NCKAP5: variants seen among roughly 807,000 people sequenced by gnomAD.
NCKAP5 encodes NCK associated protein 5, also known as nck-associated protein 5.
In NCKAP5, 92 loss-of-function variants were observed where a neutral mutation model predicts 167.0. The ratio of observed to expected loss-of-function variants is 0.55; its 90% confidence interval spans 0.47 to 0.66. The LOEUF (loss-of-function observed/expected upper bound fraction) is 0.66, where lower values mean the gene tolerates loss of function less well. Ranked by LOEUF, NCKAP5 falls within the 30% of genes least tolerant of loss-of-function variation. NCKAP5 has a pLI of 0.00. For synonymous variants in NCKAP5, 891 were observed against 877.4 expected (o/e 1.02, Z -0.27); for missense variants, 2,378 against 2,315.0 (o/e 1.03, Z -0.56).
At chr2:132,940,086 T>C (rs1395407715) in intron 8 of NCKAP5, among the ~76,000 whole-genome samples, 1 of 152,190 alleles carries the variant, frequency 6.6e-6, no homozygotes, top group African/African-American at 2.4e-5. Context: ...ATATCATTCT[T>C]ATGCCTTTGC....
chr2:133,482,249 G>A (rs1181855967), intron 3 of NCKAP5, among the ~76,000 whole-genome samples: 1 of 148,400 alleles, frequency 6.7e-6, no homozygotes, highest in Non-Finnish European at 1.5e-5. Context: ...TTTGAGTCAT[G>A]CACTGACACT....
At chr2:132,740,392 A>G (rs544700409) in intron 16 of NCKAP5, among the ~76,000 whole-genome samples, 1 of 152,166 alleles carries the variant, frequency 6.6e-6, no homozygotes, top group Non-Finnish European at 1.5e-5. Flanking sequence ...TAAACTACAG[A>G]TGGGAAAACA....
At chr2:133,385,953 C>A (rs1358884520) in intron 3 of NCKAP5, among the ~76,000 whole-genome samples, 1 of 151,718 alleles carries the variant, frequency 6.6e-6, no homozygotes, top group African/African-American at 2.4e-5. Context: ...CTTTATTAGT[C>A]TTGTTAGCGG....
intron 6 of NCKAP5, among the ~76,000 whole-genome samples, chr2:133,038,760 A>G (rs1421102874): frequency 1.3e-5 from 2 of 152,136 alleles, no homozygotes; most frequent in Admixed American, 6.5e-5. Context: ...TATACCTACT[A>G]TGTACCCAGA....
chr2:133,346,611 C>T lies in NCKAP5; in HGVS notation c.70-43501G>A, dbSNP rs903825329. Among the ~76,000 whole-genome samples the T allele has an allele frequency of 4.6e-5, 7 of 152,326 alleles. No individual in the cohort carries two copies. In the South Asian group the frequency reaches 8.3e-4, roughly 18 times the overall value. The stretch of plus-strand genomic sequence containing the variant: ...AGCCATATGGCAGCTTCCAGGGCTG[C>T]GGGCCCCTCACAGAGCATGTGTTCG... On this transcript the variant is annotated intron_variant, in intron 3 of 19. Coordinates refer to ENST00000409261, the MANE Select transcript of NCKAP5 (RefSeq NM_207363.3).
At chr2:133,554,611 A>G (rs1687607775) in intron 2 of NCKAP5, among the ~76,000 whole-genome samples, 1 of 152,194 alleles carries the variant, frequency 6.6e-6, no homozygotes, top group African/African-American at 2.4e-5. Context: ...GAAATACAGC[A>G]TCAAAATAAA....
chr2:132,877,676 G>A (rs1463898871), intron 9 of NCKAP5, among the ~76,000 whole-genome samples: 2 of 152,178 alleles, frequency 1.3e-5, no homozygotes, highest in Non-Finnish European at 2.9e-5. Context: ...CCAGTTTGAA[G>A]GGAACAAGAG....
intron 8 of NCKAP5, among the ~76,000 whole-genome samples, chr2:132,888,378 G>T (rs956342713): frequency 6.6e-5 from 10 of 152,000 alleles, no homozygotes; most frequent in African/African-American, 2.4e-4. Context: ...TTATTATTAG[G>T]ATGTCTATAT....
chr2:132,956,927 C>G (rs1352184134), intron 8 of NCKAP5, among the ~76,000 whole-genome samples: 1 of 152,178 alleles, frequency 6.6e-6, no homozygotes, highest in Admixed American at 6.5e-5. Context: ...ATGCTGGCTC[C>G]TCTTCCTCTG....
At chr2:133,542,282 T>G (rs1686289418) in intron 2 of NCKAP5, among the ~76,000 whole-genome samples, 1 of 152,208 alleles carries the variant, frequency 6.6e-6, no homozygotes, top group African/African-American at 2.4e-5. Flanking sequence ...TATAATTTAA[T>G]GTCATTAAGT....
At position 132,687,968 on chromosome 2, in the gene NCKAP5, T is replaced by C. The variant is rs193039646; in HGVS notation, c.5714-14663A>G. 1.6e-3 allele frequency among the ~76,000 whole-genome samples: 248 copies of C among 152,332 alleles called. 1 individual carries two copies. The highest frequency in any genetic ancestry group is 3.4e-3 in the Middle Eastern group (1 of 294). On this transcript the variant is annotated intron_variant, in intron 19 of 19. Coordinates refer to ENST00000409261, the MANE Select transcript of NCKAP5 (RefSeq NM_207363.3). ...TCTGAATGTGATTAGCGATTAGCGCTGGTGGCTTCAGTCACTTGGGAATGG... is the reference window on the plus strand; with the variant it reads ...TCTGAATGTGATTAGCGATTAGCGCCGGTGGCTTCAGTCACTTGGGAATGG...
intron 6 of NCKAP5, among the ~76,000 whole-genome samples, chr2:133,091,255 C>T (rs775583356): frequency 9.2e-5 from 14 of 152,146 alleles, no homozygotes; most frequent in African/African-American, 1.7e-4. Context: ...CAAGAACGAA[C>T]GAATACATTC....
chr2:132,811,790 C>T (rs928532225), intron 11 of NCKAP5, among the ~76,000 whole-genome samples: 2 of 152,162 alleles, frequency 1.3e-5, no homozygotes, highest in South Asian at 2.1e-4. Context: ...GGCTAGGAAG[C>T]GTCTGGCCCT....
At chr2:133,071,013 T>G (rs1204399024) in intron 6 of NCKAP5, among the ~76,000 whole-genome samples, 1 of 151,936 alleles carries the variant, frequency 6.6e-6, no homozygotes, top group East Asian at 1.9e-4. Flanking sequence ...TCTAGAAGAG[T>G]CAATCATATA....
intron 4 of NCKAP5, among the ~76,000 whole-genome samples, chr2:133,252,793 A>G (rs2088416397): frequency 6.6e-6 from 1 of 152,236 alleles, no homozygotes; most frequent in African/African-American, 2.4e-5. Flanking sequence ...CTAAAGTTAT[A>G]GTGCATGATG....
intron 8 of NCKAP5, among the ~76,000 whole-genome samples, chr2:132,920,767 G>GTGTGTGTATATATATA (rs1558943158): frequency 3.2e-5 from 1 of 31,248 alleles, no homozygotes; most frequent in Non-Finnish European, 6.8e-5. Flanking sequence ...GTATATATAT[G>GTGTGTGTATATATATA]TATGTATATA....
intron 6 of NCKAP5, among the ~76,000 whole-genome samples, chr2:133,051,548 G>T (rs2079607760): frequency 1.3e-5 from 2 of 152,148 alleles, no homozygotes; most frequent in Admixed American, 1.3e-4. Context: ...AAGGCAGGCG[G>T]TTTGCTAGCA....
intron 16 of NCKAP5, among the ~76,000 whole-genome samples, chr2:132,761,996 A>G (rs1681049637): frequency 6.6e-6 from 1 of 152,184 alleles, no homozygotes; most frequent in South Asian, 2.1e-4. Context: ...TCTGGTCATC[A>G]TTTAGAATTC....
chr2:132,793,560 T>C (rs1393387235), intron 12 of NCKAP5, among the ~76,000 whole-genome samples: 4 of 152,250 alleles, frequency 2.6e-5, no homozygotes, highest in Non-Finnish European at 5.9e-5. Flanking sequence ...GCTGCTATTC[T>C]GTGACCCATG....
Sources: allele counts gnomAD v4.1 joint callset (sites outside exome capture counted in the v4.1 genomes callset), GRCh38; gene constraint gnomAD v4.1.1; transcripts MANE v1.5; gene names NCBI Gene and HGNC (gene_info 2026-07-23, HGNC 2026-07-21).